Variants in ALK observed in about 807,000 individuals in gnomAD.
ALK encodes the protein ALK receptor tyrosine kinase.
ALK carries 74 observed loss-of-function variants against 163.1 expected under a neutral mutation model. The ratio of observed to expected loss-of-function variants is 0.45; its 90% confidence interval spans 0.38 to 0.55. The LOEUF is 0.55. Among genes scored for constraint, ALK ranks in the 20% least tolerant of loss-of-function variants. ALK has a pLI of 0.00. For synonymous variants in ALK, 960 were observed against 843.2 expected (o/e 1.14, Z -2.40); for missense variants, 2,063 against 2,105.3 (o/e 0.98, Z 0.39).
At chr2:29,405,981 C>G (rs981402876) in intron 4 of ALK, among the ~76,000 whole-genome samples, 21 of 152,102 alleles carry the variant, frequency 1.4e-4, no homozygotes, top group Non-Finnish European at 2.8e-4. Flanking sequence ...TGTTTGGCAT[C>G]TTTTAGCATC....
intron 3 of ALK, among the ~76,000 whole-genome samples, chr2:29,629,235 A>G (rs1329634616): frequency 6.6e-6 from 1 of 152,240 alleles, no homozygotes; most frequent in Non-Finnish European, 1.5e-5. Flanking sequence ...CCTATTAACC[A>G]GGATGAAAAC....
At chr2:29,745,131 G>A (rs1680176934) in intron 1 of ALK, among the ~76,000 whole-genome samples, 1 of 152,118 alleles carries the variant, frequency 6.6e-6, no homozygotes, top group African/African-American at 2.4e-5. Flanking sequence ...CATATACTAG[G>A]CACTAGACTG....
chr2:29,500,675 G>A (rs958641080), intron 4 of ALK, among the ~76,000 whole-genome samples: 3 of 151,762 alleles, frequency 2.0e-5, no homozygotes, highest in Admixed American at 6.6e-5. Flanking sequence ...GGACATCAGC[G>A]CCATCCATGG....
At chr2:29,249,150 G>A in intron 12 of ALK, among the ~76,000 whole-genome samples, 1 of 152,194 alleles carries the variant, frequency 6.6e-6, no homozygotes, top group Admixed American at 6.5e-5. Flanking sequence ...CACTGTCTCG[G>A]GGGAACACAG....
chr2:29,322,143 G>C (rs1272946230), intron 6 of ALK, among the ~76,000 whole-genome samples: 2 of 152,246 alleles, frequency 1.3e-5, no homozygotes, highest in Non-Finnish European at 1.5e-5. Context: ...AAGCTCTCTA[G>C]CTGAGACCCA....
intron 1 of ALK, among the ~76,000 whole-genome samples, chr2:29,888,080 A>T (rs1028893394): frequency 6.6e-6 from 1 of 152,148 alleles, no homozygotes; most frequent in African/African-American, 2.4e-5. Flanking sequence ...CTGGTGGTTT[A>T]TCACCTCTTA....
chr2:29,664,689 C>G (rs1186081238), intron 3 of ALK, among the ~76,000 whole-genome samples: 1 of 152,106 alleles, frequency 6.6e-6, no homozygotes, highest in African/African-American at 2.4e-5. Context: ...ATGCTGCAAC[C>G]CAGCTCCACC....
At chr2:29,807,560 T>C (rs1260352159) in intron 1 of ALK, among the ~76,000 whole-genome samples, 2 of 152,216 alleles carry the variant, frequency 1.3e-5, no homozygotes, top group African/African-American at 4.8e-5. Context: ...ACAATGGTTT[T>C]AGCACCTGGA....
chr2:29,449,871 G>T (rs1670778750), intron 4 of ALK, among the ~76,000 whole-genome samples: 1 of 152,236 alleles, frequency 6.6e-6, no homozygotes, highest in Non-Finnish European at 1.5e-5. Flanking sequence ...TGGAGGAAAG[G>T]TCTGCAATTA....
At chr2:29,321,492 T>C (rs983774935) in intron 6 of ALK, among the ~76,000 whole-genome samples, 2 of 152,250 alleles carry the variant, frequency 1.3e-5, no homozygotes, top group Admixed American at 1.3e-4. Context: ...AGTGAAGACA[T>C]ATGATGTGCT....
chr2:29,366,126 C>T (rs2148289876), intron 5 of ALK, among the ~76,000 whole-genome samples: 1 of 152,198 alleles, frequency 6.6e-6, no homozygotes, highest in South Asian at 2.1e-4. Flanking sequence ...AAAAGCTAAA[C>T]TTTGAATATC....
At chr2:29,734,495 T>C (rs1263477812) in intron 1 of ALK, among the ~76,000 whole-genome samples, 2 of 152,060 alleles carry the variant, frequency 1.3e-5, no homozygotes, top group African/African-American at 2.4e-5. Context: ...ACAAAACTAG[T>C]TCAGTAGGAA....
At chr2:29,727,127 A>G (rs879343969) in intron 1 of ALK, among the ~76,000 whole-genome samples, 17 of 152,240 alleles carry the variant, frequency 1.1e-4, no homozygotes, top group Non-Finnish European at 2.2e-4. Context: ...CCATCAGGGC[A>G]GCTGGCTCTG....
chr2:29,881,351 G>A (rs1431743119), intron 1 of ALK, among the ~76,000 whole-genome samples: 1 of 152,176 alleles, frequency 6.6e-6, no homozygotes, highest in East Asian at 1.9e-4. Flanking sequence ...TTAAAACCAG[G>A]CTATTATCAT....
intron 15 of ALK, 41 bp downstream of exon 15, chr2:29,232,263 T>A (rs765060856): frequency 1.9e-6 from 3 of 1,613,440 alleles, no homozygotes; most frequent in Non-Finnish European, 2.5e-6. Flanking sequence ...GCTGAAGGCC[T>A]GGGAGAGGTT....
chr2:29,260,623 G>C (rs1013068507), intron 11 of ALK, among the ~76,000 whole-genome samples: 3 of 151,886 alleles, frequency 2.0e-5, no homozygotes, highest in Non-Finnish European at 2.9e-5. Context: ...GATCACCTGA[G>C]GTCAGGAGTT....
chr2:29,674,431 A>G (rs1031769919), intron 3 of ALK, among the ~76,000 whole-genome samples: 22 of 151,028 alleles, frequency 1.5e-4, no homozygotes, highest in Non-Finnish European at 3.1e-4. Flanking sequence ...TATTGAGATA[A>G]TCATGTGGTT....
chr2:29,297,880 C>T (rs990217123), intron 8 of ALK, among the ~76,000 whole-genome samples: 4 of 146,914 alleles, frequency 2.7e-5, no homozygotes, highest in Admixed American at 6.8e-5. Flanking sequence ...TATATCATAT[C>T]ATTGCCTAAA....
chr2:29,787,941 T>C (rs1453617512), intron 1 of ALK, among the ~76,000 whole-genome samples: 4 of 152,290 alleles, frequency 2.6e-5, no homozygotes, highest in Admixed American at 1.3e-4. Context: ...TGTTAGTATA[T>C]GGAAATATTG....
Sources: allele counts gnomAD v4.1 joint callset (sites outside exome capture counted in the v4.1 genomes callset), GRCh38; gene constraint gnomAD v4.1.1; transcripts MANE v1.5; gene names NCBI Gene and HGNC (gene_info 2026-07-23, HGNC 2026-07-21).